The following BAHD1 variants were observed in gnomAD, a reference collection of about 807,000 sequenced individuals.
BAHD1 encodes the protein bromo adjacent homology domain containing 1.
BAHD1 carries 20 observed loss-of-function variants against 63.1 expected under a neutral mutation model. The observed-to-expected ratio is 0.32, with a 90% CI of 0.22 to 0.46. The LOEUF (loss-of-function observed/expected upper bound fraction) is 0.46, where lower values mean the gene tolerates loss of function less well. BAHD1 is among the 20% of genes least tolerant of loss of function. The probability of loss-of-function intolerance (pLI) is 1.00; values close to 1 mark genes in which losing one functional copy is unlikely to be tolerated. For synonymous variants in BAHD1, 408 were observed against 426.8 expected, an observed-to-expected ratio of 0.96 and a Z score of 0.54; for missense variants, 939 against 1,071.8, an observed-to-expected ratio of 0.88 and a Z score of 1.73.
At chr15:40,456,958 T>TG (rs1314862192) in intron 1 of BAHD1, among the ~76,000 whole-genome samples, 3 of 152,224 alleles carry the variant, frequency 2.0e-5, no homozygotes, top group African/African-American at 7.2e-5. Context: ...TTCATTGTCT[T>TG]GGCCATGCCA....
At position 40,459,051 on chromosome 15, in the gene BAHD1, A is replaced by G. The variant is rs1194753645; in HGVS notation, c.587A>G (p.Asp196Gly). Reference protein sequence around the residue: ...EPAPDEGPRRDGDPAPKRLAS... With the variant: ...EPAPDEGPRRGGDPAPKRLAS... ...GCACCCGATGAAGGTCCCCGCCGAG[A>G]TGGAGACCCAGCTCCCAAGAGACTG... The change falls in exon 2 of 7, where the codon GAT becomes GGT. Residue 196 changes from aspartate to glycine, a missense_variant. Coordinates refer to ENST00000416165, the MANE Select transcript of BAHD1 (RefSeq NM_014952.5). The G allele has an allele frequency of 1.2e-6, 2 of 1,608,758 alleles. No individual in the cohort carries two copies. Among genetic ancestry groups the G allele is most frequent in the Admixed American group, 1.7e-5 (1 of 59,544 alleles).
In BAHD1 at chr15:40,459,803, A is replaced by G. The variant is rs1313574140; in HGVS notation, c.1339A>G (p.Asn447Asp). ...RYCSSEDTGVNGYSICGVLPL... is the reference protein window; with the variant it reads ...RYCSSEDTGVDGYSICGVLPL... Reference sequence around the variant, plus strand: ...CTGCTCTAGCGAGGACACTGGAGTGAATGGCTACAGCATCTGCGGAGTGTT... The same window carrying G: ...CTGCTCTAGCGAGGACACTGGAGTGGATGGCTACAGCATCTGCGGAGTGTT... Residue 447 changes from asparagine to aspartate, a missense_variant, in exon 2 of 7, where the codon AAT becomes GAT. Transcript: ENST00000416165. The G allele has an allele frequency of 6.2e-7, 1 of 1,613,618 alleles. No individual in the cohort carries two copies. The highest frequency in any genetic ancestry group is 8.5e-7 in the Non-Finnish European group (1 of 1,179,974).
rs764776219 is a variant in BAHD1 at position 40,467,362 on chromosome 15, C to T, written c.*1232C>T. 5 of 153,084 alleles carry T rather than the reference C, an allele frequency of 3.3e-5. No homozygotes were observed. Among genetic ancestry groups the T allele is most frequent in the Non-Finnish European group, 5.8e-5 (4 of 68,390 alleles). 9.5% of individuals were successfully genotyped at this position (153,084 alleles called of 1,614,324 possible). A position where few individuals can be genotyped will look rare whatever the true frequency, so the allele number is the denominator to read the frequency against. On this transcript the variant is annotated 3_prime_UTR_variant, in exon 7 of 7. Coordinates refer to ENST00000416165, the MANE Select transcript of BAHD1 (RefSeq NM_014952.5). ...CAGCCTGGTTATTTCCTATCTGTAC[C>T]AAAGAGGAGTATGGTGGGAGAGGGA...
intron 1 of BAHD1, among the ~76,000 whole-genome samples, chr15:40,444,800 T>C (rs1340033281): frequency 6.6e-6 from 1 of 152,150 alleles, no homozygotes; most frequent in Admixed American, 6.5e-5. Flanking sequence ...GGTGACTGGT[T>C]AGAGGCCAGA....
chr15:40,458,639 A>G lies in BAHD1; in HGVS notation c.175A>G (p.Lys59Glu). 1 of 1,613,902 alleles carries G rather than the reference A, an allele frequency of 6.2e-7. No individual in the cohort carries two copies. The highest frequency in any genetic ancestry group is 8.5e-7 in the Non-Finnish European group (1 of 1,179,938). ...TGRRKNYPLR[K>E]RPLVPEKPKA... ...GCGCCGCAAGAATTACCCACTTCGT[A>G]AGCGCCCATTGGTTCCTGAGAAGCC... The change falls in exon 2 of 7, where the codon AAG (lysine) becomes GAG (glutamate). Residue 59 changes from lysine to glutamate, a missense_variant. Coordinates refer to ENST00000416165, the MANE Select transcript of BAHD1 (RefSeq NM_014952.5). The surrounding 1 kb of genome is among the most constrained non-coding windows in gnomAD (Gnocchi z 4.7).
At chr15:40,438,413 G>A (rs1893320640), upstream of BAHD1, among the ~76,000 whole-genome samples, 2 of 152,120 alleles carry the variant, frequency 1.3e-5, no homozygotes, top group Admixed American at 6.5e-5. Flanking sequence ...GGGGGACAGA[G>A]GTGGCTCAGT....
chr15:40,439,912 G>A (rs6492946), upstream of BAHD1: 2,983 of 152,450 alleles, frequency 0.02, 100 homozygotes, highest in African/African-American at 0.068. Flanking sequence ...GGGAGGGCAC[G>A]TCTGTGGGGG....
intron 1 of BAHD1, among the ~76,000 whole-genome samples, chr15:40,442,599 G>A (rs1364420089): frequency 4.6e-5 from 7 of 152,106 alleles, no homozygotes; most frequent in Admixed American, 4.6e-4. Context: ...GCCCATTGTC[G>A]ACAGTGTTAG....
intron 1 of BAHD1, among the ~76,000 whole-genome samples, chr15:40,452,758 G>A (rs1057314860): frequency 2.6e-5 from 4 of 151,510 alleles, no homozygotes; most frequent in African/African-American, 9.8e-5. Context: ...TGGGGTTGCT[G>A]TATGGTGCTG....
At chr15:40,439,280 C>A (rs895829296), upstream of BAHD1, among the ~76,000 whole-genome samples, 2 of 152,190 alleles carry the variant, frequency 1.3e-5, no homozygotes, top group African/African-American at 4.8e-5. Flanking sequence ...GGGGCCCCTC[C>A]TTTAAGTGTG....
chr15:40,464,364 G>C, intron 4 of BAHD1, 107 bp from the exon 5 acceptor site: 1 of 969,444 alleles, frequency 1.0e-6, no homozygotes. Flanking sequence ...GCCGGAGCCT[G>C]CAGGATTGAG....
rs779448589 is a variant in BAHD1, at chr15:40,459,406, G to A, written c.942G>A (p.Leu314=). The A allele has an allele frequency of 1.2e-6, 2 of 1,613,010 alleles. No homozygotes were observed. Among genetic ancestry groups the A allele is most frequent in the South Asian group, 1.1e-5 (1 of 90,992 alleles). Residue 314 remains leucine, a synonymous_variant, in exon 2 of 7, where the codon CTG becomes CTA. Coordinates refer to ENST00000416165, the MANE Select transcript of BAHD1 (RefSeq NM_014952.5). ...LESPLGLRPH[L]PLLMGGQAAL... is the part of the protein sequence containing the mutation. ...GCCCTTTGGGGCTGCGCCCTCACCT[G>A]CCCCTGCTGATGGGTGGACAGGCGG...
In BAHD1 at chr15:40,458,677, A is replaced by T. The variant is rs1432579119; in HGVS notation, c.213A>T (p.Lys71Asn). 1.2e-5 allele frequency: 19 copies of T among 1,613,910 alleles called. No individual in the cohort carries two copies. Among genetic ancestry groups the T allele is most frequent in the Non-Finnish European group, 1.6e-5 (19 of 1,179,986 alleles). Reference protein sequence around the residue: ...PLVPEKPKACKVLLTRLENVA... With the variant: ...PLVPEKPKACNVLLTRLENVA... ...TTCCTGAGAAGCCCAAGGCCTGCAA[A>T]GTGCTGCTGACTCGCCTGGAGAATG... The change falls in exon 2 of 7, where the codon AAA (lysine) becomes AAT (asparagine). Residue 71 changes from lysine (K) to asparagine (N), a missense_variant. Physicochemically the swap from Lys to Asn is moderately conservative, Grantham distance 94. Transcript: ENST00000416165. The surrounding 1 kb of genome is among the most constrained non-coding windows in gnomAD (Gnocchi z 4.7).
At chr15:40,451,803 G>T (rs892821911) in intron 1 of BAHD1, among the ~76,000 whole-genome samples, 1 of 152,256 alleles carries the variant, frequency 6.6e-6, no homozygotes, top group Non-Finnish European at 1.5e-5. Context: ...TGTGGATGCA[G>T]GTCTACCTTA....
upstream of BAHD1, among the ~76,000 whole-genome samples, chr15:40,439,009 G>C (rs146455513): frequency 8.5e-3 from 1,291 of 152,358 alleles, 13 homozygotes; most frequent in Non-Finnish European, 0.013. Flanking sequence ...CTATGGGCCA[G>C]ACTGGGACAG....
At position 40,448,744 on chromosome 15, in the gene BAHD1, A is replaced by G. The variant is rs532435367; in HGVS notation, c.-15+7476A>G. Among the ~76,000 whole-genome samples, 3 of 152,108 alleles carry G rather than the reference A, an allele frequency of 2.0e-5. No homozygotes were observed. The East Asian group carries it at 5.8e-4, about 29-fold the overall frequency. Reference sequence around the variant, plus strand: ...GAGACAGGGTCTCACTGTATTGCCCAGGCTGGTCTTTTAACTCCTGGCCTC... The same window carrying G: ...GAGACAGGGTCTCACTGTATTGCCCGGGCTGGTCTTTTAACTCCTGGCCTC... On this transcript the variant is annotated intron_variant, in intron 1 of 6. Transcript: ENST00000416165.
Position 40,462,173 on chromosome 15 carries a change from G to T in BAHD1, c.1694G>T (p.Arg565Leu), listed in dbSNP as rs768181332. The change falls in exon 3 of 7, where the codon CGC becomes CTC. Residue 565 changes from arginine to leucine, a missense_variant. Coordinates refer to ENST00000416165, the MANE Select transcript of BAHD1 (RefSeq NM_014952.5). ...CACACTGCAAGGAGCAAGGCTGCCC[G>T]CAGGCCTAGCCACCCCAAGCAGCCA... ...CRHTARSKAA[R>L]RPSHPKQPRV... 1.2e-6 allele frequency: 2 copies of T among 1,612,178 alleles called. 1 individual carries two copies. Among genetic ancestry groups the T allele is most frequent in the South Asian group, 2.2e-5 (2 of 91,070 alleles).
In BAHD1 at chr15:40,458,529, C is replaced by T. The variant is rs758887263; in HGVS notation, c.65C>T (p.Pro22Leu). Residue 22 changes from proline (P) to leucine (L), a missense_variant, in exon 2 of 7, where the codon CCC (proline) becomes CTC (leucine). Physicochemically the swap from Pro to Leu is moderately conservative, Grantham distance 98. Transcript: ENST00000416165. This position sits in a 1 kb window ranked among gnomAD's most constrained non-coding sequence, Gnocchi z 4.7. Reference protein sequence around the residue: ...LSSGLTGRREPLQMEDSNMEQ... With the variant: ...LSSGLTGRRELLQMEDSNMEQ... ...TCGGGCCTCACTGGCCGCCGAGAGC[C>T]CCTGCAGATGGAAGACAGCAACATG... The T allele has an allele frequency of 6.2e-7, 1 of 1,613,260 alleles. No individual in the cohort carries two copies. Among genetic ancestry groups the T allele is most frequent in the Admixed American group, 1.7e-5 (1 of 59,934 alleles).
At chr15:40,455,466 C>T (rs1414340358) in intron 1 of BAHD1, among the ~76,000 whole-genome samples, 2 of 152,194 alleles carry the variant, frequency 1.3e-5, no homozygotes, top group East Asian at 1.9e-4. Flanking sequence ...CTGCTTGGGA[C>T]TTCTGTGTGT....
Sources: allele counts gnomAD v4.1 joint callset (sites outside exome capture counted in the v4.1 genomes callset), GRCh38; gene constraint gnomAD v4.1.1; non-coding constraint Gnocchi (gnomAD v3.1); transcripts MANE v1.5; gene names NCBI Gene and HGNC (gene_info 2026-07-23, HGNC 2026-07-21).